The following ACAP3 variants were observed in gnomAD, a reference collection of about 807,000 sequenced individuals.
The protein encoded by ACAP3 is ArfGAP with coiled-coil, ankyrin repeat and PH domains 3, also known as arf-GAP with coiled-coil, ANK repeat and PH domain-containing protein 3.
A neutral mutation model predicts 104.1 loss-of-function variants in ACAP3; 56 were observed. The ratio of observed to expected loss-of-function variants is 0.54; its 90% confidence interval spans 0.43 to 0.67. The LOEUF (loss-of-function observed/expected upper bound fraction) is 0.67, where lower values mean the gene tolerates loss of function less well. Among genes scored for constraint, ACAP3 ranks in the 30% least tolerant of loss-of-function variants. The pLI, the probability that ACAP3 is intolerant of heterozygous loss-of-function variation, is 0.00. For missense variants in ACAP3, 1,208 were observed against 1,174.9 expected (o/e 1.03, Z -0.41); for synonymous variants, 628 against 496.2 (o/e 1.27, Z -3.53).
chr1:1,296,402 C>G (rs771736917), intron 15 of ACAP3, 23 bp downstream of exon 15: 1 of 1,532,138 alleles, frequency 6.5e-7, no homozygotes, highest in South Asian at 1.2e-5. Flanking sequence ...CCCCCACCCC[C>G]AGCCTGGCCC....
At chr1:1,298,297 A>G (rs1641286202) in intron 12 of ACAP3, 73 bp downstream of exon 12, 2 of 1,598,676 alleles carry the variant, frequency 1.3e-6, no homozygotes, top group African/African-American at 1.3e-5. Context: ...GCTAACCCCA[A>G]CTGACCAGTC....
In ACAP3 at chr1:1,293,547, GC is replaced by G; in HGVS notation, c.*16del. On this transcript the variant is annotated 3_prime_UTR_variant, in exon 24 of 24. Transcript: ENST00000354700. ...CGTCGGGCCGGGCGGGGTGGCAGCT[GC>G]CCGGCCTGCCCGGCCCTAGCTCTCT... is the stretch of plus-strand genomic sequence containing the variant. 6.8e-7 allele frequency: 1 copy of G among 1,460,498 alleles called. No homozygotes were observed. Among genetic ancestry groups the G allele is most frequent in the Non-Finnish European group, 9.0e-7 (1 of 1,112,246 alleles). 90.5% of individuals were successfully genotyped at this position (1,460,498 alleles called of 1,614,324 possible).
chr1:1,299,847 G>C lies in ACAP3; in HGVS notation c.722C>G (p.Ala241Gly). The C allele has an allele frequency of 6.4e-7, 1 of 1,553,214 alleles. No homozygotes were observed. Residue 241 changes from alanine to glycine, a missense_variant, in exon 9 of 24, where the codon GCC becomes GGC. Physicochemically the swap from Ala to Gly is moderately conservative, Grantham distance 60. Transcript: ENST00000354700. ...VEKREMERKH[A>G]AIQQRTLLQD... ...CGGCCTCACCCGCTGCTGGATGGCG[G>C]CGTGCTTTCGCTCCATCTCACGCTT...
chr1:1,301,824 G>T, intron 5 of ACAP3, 164 bp downstream of exon 5: 1 of 561,686 alleles, frequency 1.8e-6, no homozygotes. Flanking sequence ...GGAACCCCCC[G>T]CACTCCACCC....
At position 1,296,127 on chromosome 1, in the gene ACAP3, G is replaced by C. The variant is rs619608; in HGVS notation, c.1408-18C>G. ...CACATCAGCTAGCGGGAGACAGGGC[G>C]AGCAGGCATCAGTGCGAACCTGCAG... On this transcript the variant is annotated intron_variant, in intron 16 of 23. Transcript: ENST00000354700. 6.2e-7 allele frequency: 1 copy of C among 1,612,094 alleles called. No homozygotes were observed.
intron 9 of ACAP3, 156 bp downstream of exon 9, chr1:1,299,675 T>G: frequency 2.1e-6 from 2 of 935,358 alleles, no homozygotes; most frequent in Non-Finnish European, 3.2e-6. Context: ...ACTGCACACA[T>G]CAAAGGGAGC....
In ACAP3 at chr1:1,296,648, G is replaced by A. The variant is rs770374301; in HGVS notation, c.1129-15C>T. ...CGGTCCAGCCTCTGGAGGATGGGGT[G>A]GAGCTGCTCGGTCCCGCAGGGGCTC... On this transcript the variant is annotated splice_polypyrimidine_tract_variant and intron_variant, in intron 14 of 23. Coordinates refer to ENST00000354700, the MANE Select transcript of ACAP3 (RefSeq NM_030649.3). 4.1e-5 allele frequency: 62 copies of A among 1,527,216 alleles called. No individual in the cohort carries two copies. The South Asian group carries it at 7.2e-4, about 18-fold the overall frequency. 94.6% of individuals were successfully genotyped at this position (1,527,216 alleles called of 1,614,324 possible).
At chr1:1,295,327 G>C (rs891803680) in intron 19 of ACAP3, 120 bp downstream of exon 19, 2 of 875,706 alleles carry the variant, frequency 2.3e-6, no homozygotes, top group African/African-American at 3.4e-5. Context: ...TGGCCAGGAG[G>C]CCCCCCGCCC....
chr1:1,306,096 C>T (rs1349911120), intron 1 of ACAP3, among the ~76,000 whole-genome samples: 1 of 152,238 alleles, frequency 6.6e-6, no homozygotes. Flanking sequence ...CCATTCTCAT[C>T]TCCCCACTCC....
At chr1:1,297,965 C>T (rs572903340) in intron 13 of ACAP3, 32 bp from the exon 14 acceptor site, 198 of 1,610,998 alleles carry the variant, frequency 1.2e-4, no homozygotes, top group Middle Eastern at 1.7e-4. Context: ...GCGTCAGCTC[C>T]GGTGGGCAGG....
Position 1,296,240 on chromosome 1 carries a change from G to A in ACAP3, c.1378C>T (p.Leu460=), listed in dbSNP as rs745605879. Residue 460 remains leucine, a synonymous_variant, in exon 16 of 24, where the codon CTG becomes TTG. Transcript: ENST00000354700. ...VHCSKVRSLT[L]DSWEPELLKL... is the part of the protein sequence containing the mutation. ...AGCAGCTCAGGCTCCCACGAGTCCA[G>A]CGTCAGGGACCGCACCTTGGAGCAG... The A allele has an allele frequency of 8.9e-6, 14 of 1,565,000 alleles. No individual in the cohort carries two copies. The highest frequency in any genetic ancestry group is 1.2e-5 in the Non-Finnish European group (14 of 1,154,666).
intron 15 of ACAP3, 61 bp downstream of exon 15, chr1:1,296,364 G>C (rs113414019): frequency 6.5e-7 from 1 of 1,536,604 alleles, no homozygotes; most frequent in African/African-American, 1.5e-5. Context: ...TGGCCCTCAG[G>C]GGCCCACCTG....
Position 1,293,398 on chromosome 1 carries a change from C to T in ACAP3, c.*166G>A, listed in dbSNP as rs1221512311. The T allele has an allele frequency of 3.2e-6, 2 of 617,322 alleles. No individual in the cohort carries two copies. Among genetic ancestry groups the T allele is most frequent in the East Asian group, 9.6e-5 (2 of 20,850 alleles). The allele number at this position is 617,322 out of a possible 1,614,324, so 38.2% of individuals were successfully genotyped here. On this transcript the variant is annotated 3_prime_UTR_variant, in exon 24 of 24. Transcript: ENST00000354700. ...GGCTTCAAGAGACTCAGTGTGGGGC[C>T]CTCGCTCTCCTCCTGGGCGAGCAGG...
chr1:1,297,766 T>C, intron 14 of ACAP3, 56 bp downstream of exon 14: 1 of 1,540,910 alleles, frequency 6.5e-7, no homozygotes, highest in Non-Finnish European at 8.9e-7. Context: ...GCAGGGGCCA[T>C]CCCCGGTGGC....
Position 1,296,410 on chromosome 1 carries a change from C to T in ACAP3, c.1337+15G>A, listed in dbSNP as rs1376387445. On this transcript the variant is annotated intron_variant, in intron 15 of 23. Coordinates refer to ENST00000354700, the MANE Select transcript of ACAP3 (RefSeq NM_030649.3). ...AGCCCAACCCCCACCCCCAGCCTGG[C>T]CCTCAGGGGCCCACCTGTGGATGCC... is the stretch of plus-strand genomic sequence containing the variant. 3 of 1,544,980 alleles carry T rather than the reference C, an allele frequency of 1.9e-6. No individual in the cohort carries two copies. The highest frequency in any genetic ancestry group is 1.7e-4 in the Middle Eastern group (1 of 5,928).
intron 1 of ACAP3, among the ~76,000 whole-genome samples, chr1:1,306,611 G>A (rs1440237368): frequency 1.3e-5 from 2 of 152,166 alleles, no homozygotes; most frequent in African/African-American, 4.8e-5. Context: ...GGCTCCCCGT[G>A]CCTCCACACA....
rs774062574 is a variant in ACAP3, at chr1:1,295,471, C to T, written c.1789G>A (p.Gly597Arg). 7.8e-5 allele frequency: 125 copies of T among 1,612,492 alleles called. No individual in the cohort carries two copies. Among genetic ancestry groups the T allele is most frequent in the Non-Finnish European group, 9.7e-5 (115 of 1,179,894 alleles). Residue 597 changes from glycine to arginine, a missense_variant, in exon 19 of 24, where the codon GGG becomes AGG. By Grantham distance (125) the Gly-to-Arg change is moderately radical. Transcript: ENST00000354700. ...CTGCGAGGGCCAGCCCCTGCGGCCCCTGCGTCGAAGTAGGAGAAGAGCGAG... is the reference window on the plus strand; with the variant it reads ...CTGCGAGGGCCAGCCCCTGCGGCCCTTGCGTCGAAGTAGGAGAAGAGCGAG... The part of the protein sequence containing the change: ...LDSLFSYFDA[G>R]AAGAGPRSLS...
In ACAP3 at chr1:1,296,493, C is replaced by A; in HGVS notation, c.1269G>T (p.Gln423His). The A allele has an allele frequency of 6.5e-7, 1 of 1,543,316 alleles. No individual in the cohort carries two copies. The part of the protein sequence containing the change: ...AGNSQCGDCG[Q>H]PDPRWASINL... Reference sequence around the variant, plus strand: ...TGATGCTGGCCCAGCGGGGGTCCGGCTGGCCGCAGTCGCCGCACTGGCTGT... The same window carrying A: ...TGATGCTGGCCCAGCGGGGGTCCGGATGGCCGCAGTCGCCGCACTGGCTGT... The change falls in exon 15 of 24, where the codon CAG becomes CAT. Residue 423 changes from glutamine (Q) to histidine (H), a missense_variant. Gln to His is a conservative substitution (Grantham distance 24). Transcript: ENST00000354700.
At chr1:1,301,313 G>A (rs1348082805) in intron 5 of ACAP3, 1 of 146,948 alleles carries the variant, frequency 6.8e-6, no homozygotes, top group Non-Finnish European at 1.5e-5. Flanking sequence ...AGGCTGGAGT[G>A]CAGTAGCACA....
Sources: gnomAD v4.1 joint callset for allele counts (sites outside exome capture counted in the v4.1 genomes callset) on GRCh38, gnomAD v4.1.1 for gene constraint, MANE v1.5 for transcripts, NCBI Gene and HGNC (gene_info 2026-07-23, HGNC 2026-07-21) for gene names.